The following PACRG variants were observed in gnomAD, a reference collection of about 807,000 sequenced individuals.
PACRG encodes the protein parkin coregulated gene protein.
In PACRG, 29 loss-of-function variants were observed where a neutral mutation model predicts 29.7. The ratio of observed to expected loss-of-function variants is 0.98; its 90% CI spans 0.73 to 1.33. PACRG has a LOEUF of 1.33. Among genes scored for constraint, PACRG ranks in the 40% most tolerant of loss-of-function variants. PACRG has a pLI of 0.00. For missense variants in PACRG, 279 were observed against 316.2 expected (o/e 0.88, Z 0.89); for synonymous variants, 116 against 118.7 (o/e 0.98, Z 0.15).
intron 2 of PACRG, among the ~76,000 whole-genome samples, chr6:162,863,185 G>A (rs919543471): frequency 1.3e-5 from 2 of 152,182 alleles, no homozygotes; most frequent in Non-Finnish European, 2.9e-5. Flanking sequence ...CTAGTACCGT[G>A]CCTGATGTGG....
chr6:163,046,129 T>G (rs1809342591), intron 2 of PACRG, among the ~76,000 whole-genome samples: 1 of 151,524 alleles, frequency 6.6e-6, no homozygotes, highest in Non-Finnish European at 1.5e-5. Flanking sequence ...ACCTTAACCC[T>G]AACAACGAGC....
intron 2 of PACRG, among the ~76,000 whole-genome samples, chr6:162,890,819 C>G (rs1007256699): frequency 3.9e-5 from 6 of 152,144 alleles, no homozygotes; most frequent in African/African-American, 9.7e-5. Flanking sequence ...GAGGTATGCT[C>G]TACCCTGGAG....
At chr6:162,998,976 T>C (rs997305546) in intron 2 of PACRG, among the ~76,000 whole-genome samples, 2 of 152,192 alleles carry the variant, frequency 1.3e-5, no homozygotes, top group Admixed American at 6.5e-5. Flanking sequence ...CTGTACTTTG[T>C]ATTCCTTCTG....
rs73593725 is a variant in PACRG at position 163,092,934 on chromosome 6, C to T, written c.613+3526C>T. On this transcript the variant is annotated intron_variant, in intron 4 of 4. Transcript: ENST00000366888. ...AGCGCTCTCTCGTTGGGTGACCTGT[C>T]GCTTGGCCCTCTGTGAGCCTGTGAG... Among the ~76,000 whole-genome samples the T allele has an allele frequency of 5.4e-3, 822 of 152,316 alleles. 2 individuals carry two copies. Among genetic ancestry groups the T allele is most frequent in the African/African-American group, 0.019 (777 of 41,558 alleles).
intron 2 of PACRG, among the ~76,000 whole-genome samples, chr6:162,816,616 T>C (rs1787372651): frequency 6.6e-6 from 1 of 152,178 alleles, no homozygotes; most frequent in Non-Finnish European, 1.5e-5. Context: ...CTTCCCAAAG[T>C]GCTGGGATTA....
At chr6:163,165,689 T>A in intron 4 of PACRG, 1 of 200,036 alleles carries the variant, frequency 5.0e-6, no homozygotes. Context: ...AGGAGGGGGC[T>A]CAAATTCAAG....
intron 2 of PACRG, among the ~76,000 whole-genome samples, chr6:163,045,872 C>T (rs1809306497): frequency 6.6e-6 from 1 of 152,098 alleles, no homozygotes; most frequent in African/African-American, 2.4e-5. Context: ...CCTCAGCCTC[C>T]CAAACTGCTG....
rs554176990 is a variant in PACRG at position 162,821,510 on chromosome 6, C to T, written c.291+7229C>T. On this transcript the variant is annotated intron_variant, in intron 2 of 4. Coordinates refer to ENST00000366888, the MANE Select transcript of PACRG (RefSeq NM_001080379.2). ...AATCACTCCTGCTTTTTAAGTCAGA[C>T]GACCACCAGGGTTGAAAAGTAGGTC... 6.4e-4 allele frequency among the ~76,000 whole-genome samples: 97 copies of T among 152,248 alleles called. 2 individuals carry two copies. The South Asian group carries it at 0.018, about 29-fold the overall frequency.
At chr6:163,207,525 G>A (rs867611489) in intron 4 of PACRG, among the ~76,000 whole-genome samples, 1 of 152,088 alleles carries the variant, frequency 6.6e-6, no homozygotes, top group Non-Finnish European at 1.5e-5. Flanking sequence ...AACTCCCTAC[G>A]GTTTAGATGT....
intron 2 of PACRG, among the ~76,000 whole-genome samples, chr6:163,004,513 T>C (rs945922844): frequency 1.3e-5 from 2 of 150,918 alleles, no homozygotes; most frequent in Non-Finnish European, 3.0e-5. Flanking sequence ...TATAAAACCA[T>C]CAGTTCTCAT....
At chr6:163,095,467 A>G in intron 4 of PACRG, 1 of 963,824 alleles carries the variant, frequency 1.0e-6, no homozygotes, top group South Asian at 4.8e-5. Context: ...GTAACAAATT[A>G]CCATACACAG....
At chr6:162,940,650 C>G (rs185852404) in intron 2 of PACRG, among the ~76,000 whole-genome samples, 9 of 152,144 alleles carry the variant, frequency 5.9e-5, no homozygotes, top group Non-Finnish European at 1.2e-4. Flanking sequence ...CGCTCTGCTC[C>G]GTGCCTGGAC....
intron 4 of PACRG, among the ~76,000 whole-genome samples, chr6:163,185,240 C>T (rs1163988217): frequency 4.0e-5 from 6 of 151,268 alleles, no homozygotes; most frequent in African/African-American, 9.7e-5. Flanking sequence ...GTTTTTTTAC[C>T]GATAAAAGCA....
At chr6:162,995,466 T>G (rs1180456639) in intron 2 of PACRG, among the ~76,000 whole-genome samples, 4 of 152,286 alleles carry the variant, frequency 2.6e-5, no homozygotes, top group East Asian at 3.9e-4. Flanking sequence ...TAAGCCGGTC[T>G]GAAAAGCGCA....
intron 4 of PACRG, among the ~76,000 whole-genome samples, chr6:163,271,025 C>A (rs1260508451): frequency 6.6e-6 from 1 of 152,084 alleles, no homozygotes; most frequent in Non-Finnish European, 1.5e-5. Context: ...AGCAAGGAAG[C>A]CAGTTCGAGT....
intron 2 of PACRG, among the ~76,000 whole-genome samples, chr6:162,899,307 G>T (rs1795385364): frequency 6.6e-6 from 1 of 152,166 alleles, no homozygotes; most frequent in South Asian, 2.1e-4. Context: ...AGACAGGAGA[G>T]CTGGCATAGA....
At chr6:162,936,971 T>C (rs1364727314) in intron 2 of PACRG, among the ~76,000 whole-genome samples, 2 of 152,154 alleles carry the variant, frequency 1.3e-5, no homozygotes, top group Non-Finnish European at 2.9e-5. Flanking sequence ...AAGAGAAGCA[T>C]TTGAAAAAGG....
rs116892587 is a variant in PACRG at position 162,999,107 on chromosome 6, T to C, written c.292-63043T>C. ...TGGCAGAAAGAATATGAAAAAAAAG[T>C]GACATTTTAAATTACTTGTGCAATG... is the stretch of plus-strand genomic sequence containing the variant. On this transcript the variant is annotated intron_variant, in intron 2 of 4. Transcript: ENST00000366888. 2.6e-5 allele frequency among the ~76,000 whole-genome samples: 4 copies of C among 152,180 alleles called. No individual in the cohort carries two copies. The East Asian group carries it at 7.7e-4, about 29-fold the overall frequency.
chr6:162,757,926 C>T (rs1782055237), intron 1 of PACRG, among the ~76,000 whole-genome samples: 1 of 151,816 alleles, frequency 6.6e-6, no homozygotes, highest in Non-Finnish European at 1.5e-5. Context: ...TGAAAAATAC[C>T]ATGTCAAATG....
Sources: gnomAD v4.1 joint callset for allele counts (sites outside exome capture counted in the v4.1 genomes callset) on GRCh38, gnomAD v4.1.1 for gene constraint, MANE v1.5 for transcripts, NCBI Gene and HGNC (gene_info 2026-07-23, HGNC 2026-07-21) for gene names.